The following BBX variants were observed in gnomAD, a reference collection of about 807,000 sequenced individuals.
The protein encoded by BBX is HMG box transcription factor BBX.
In BBX, 30 loss-of-function variants were observed where a neutral mutation model predicts 100.2. The ratio of observed to expected loss-of-function variants is 0.30; its 90% CI spans 0.22 to 0.41. BBX has a LOEUF of 0.41. BBX is among the 10% of genes least tolerant of loss of function. The pLI, the probability that BBX is intolerant of heterozygous loss-of-function variation, is 1.00. For missense variants in BBX, 1,023 were observed against 1,129.8 expected (o/e 0.91, Z 1.35); for synonymous variants, 376 against 388.1 (o/e 0.97, Z 0.37).
intron 3 of BBX, among the ~76,000 whole-genome samples, chr3:107,653,547 A>G (rs190793598): frequency 5.3e-5 from 8 of 152,240 alleles, no homozygotes; most frequent in Non-Finnish European, 1.2e-4. Context: ...AGACAAGAAT[A>G]TTGTGTTTGT....
chr3:107,704,514 G>T (rs2061276712), intron 3 of BBX, among the ~76,000 whole-genome samples: 3 of 152,188 alleles, frequency 2.0e-5, no homozygotes, highest in African/African-American at 7.2e-5. Flanking sequence ...TGGAGGCTGG[G>T]AATTACAAGA....
chr3:107,690,195 TTA>T (rs1258736708), intron 3 of BBX, among the ~76,000 whole-genome samples: 9 of 152,202 alleles, frequency 5.9e-5, no homozygotes, highest in Non-Finnish European at 2.9e-5. Flanking sequence ...AACAATGACT[TTA>T]TTATTATATT....
intron 6 of BBX, among the ~76,000 whole-genome samples, chr3:107,731,022 C>A (rs1303166293): frequency 6.6e-6 from 1 of 152,062 alleles, no homozygotes; most frequent in Non-Finnish European, 1.5e-5. Context: ...TTGAATAACC[C>A]CAAATTACCA....
intron 2 of BBX, among the ~76,000 whole-genome samples, chr3:107,575,540 T>C (rs1220613598): frequency 2.0e-5 from 3 of 152,218 alleles, no homozygotes; most frequent in Non-Finnish European, 2.9e-5. Flanking sequence ...TGGGGATGGA[T>C]ATCTAAAAAG....
chr3:107,563,325 G>A (rs910132916), intron 2 of BBX, among the ~76,000 whole-genome samples: 1 of 152,184 alleles, frequency 6.6e-6, no homozygotes, highest in Admixed American at 6.5e-5. Flanking sequence ...ATCTCACAGA[G>A]CCAGACTGAA....
chr3:107,698,850 A>G (rs1341349126), intron 3 of BBX, among the ~76,000 whole-genome samples: 1 of 151,798 alleles, frequency 6.6e-6, no homozygotes, highest in African/African-American at 2.4e-5. Context: ...TAAAATCACC[A>G]GGTGTTTTAG....
At chr3:107,577,036 T>G (rs1344686468) in intron 2 of BBX, among the ~76,000 whole-genome samples, 4 of 152,106 alleles carry the variant, frequency 2.6e-5, no homozygotes, top group Admixed American at 2.6e-4. Context: ...AATTTTTGTA[T>G]TTTTAGTAGA....
At chr3:107,656,869 AC>A (rs1395363062) in intron 3 of BBX, among the ~76,000 whole-genome samples, 1 of 152,172 alleles carries the variant, frequency 6.6e-6, no homozygotes, top group Non-Finnish European at 1.5e-5. Context: ...AAGACCTTAA[AC>A]CCCACTTAAG....
At chr3:107,647,465 A>G (rs574862549) in intron 3 of BBX, among the ~76,000 whole-genome samples, 80 of 152,228 alleles carry the variant, frequency 5.3e-4, no homozygotes, top group Non-Finnish European at 1.0e-3. Flanking sequence ...TATTGACTAT[A>G]AGCAGAAATT....
intron 2 of BBX, among the ~76,000 whole-genome samples, chr3:107,582,375 T>G (rs2052350755): frequency 6.6e-6 from 1 of 151,964 alleles, no homozygotes; most frequent in Non-Finnish European, 1.5e-5. Context: ...AACTAATATT[T>G]TTTAATAACT....
At chr3:107,571,026 C>G (rs529080658) in intron 2 of BBX, among the ~76,000 whole-genome samples, 1 of 152,138 alleles carries the variant, frequency 6.6e-6, no homozygotes, top group African/African-American at 2.4e-5. Context: ...GTATTGGGGC[C>G]AAGCGGTGTT....
chr3:107,569,283 T>G (rs1186937367), intron 2 of BBX, among the ~76,000 whole-genome samples: 1 of 152,250 alleles, frequency 6.6e-6, no homozygotes, highest in Non-Finnish European at 1.5e-5. Flanking sequence ...TCACTAGTTC[T>G]CATATTGATA....
At position 107,589,529 on chromosome 3, in the gene BBX, T is replaced by C. The variant is rs576098491; in HGVS notation, c.-83-56307T>C. 7.2e-5 allele frequency among the ~76,000 whole-genome samples: 11 copies of C among 152,334 alleles called. No homozygotes were observed. In the South Asian group the frequency reaches 2.1e-3, roughly 29 times the overall value. ...ATACAGCAGAGAAATGACCACTGCT[T>C]TCAACTTAGCAGCACCGGTTTAAGT... On this transcript the variant is annotated intron_variant, in intron 2 of 17. Coordinates refer to ENST00000325805, the MANE Select transcript of BBX (RefSeq NM_001142568.3).
At chr3:107,652,231 A>C (rs932717720) in intron 3 of BBX, among the ~76,000 whole-genome samples, 1 of 152,054 alleles carries the variant, frequency 6.6e-6, no homozygotes, top group African/African-American at 2.4e-5. Context: ...GTGTGTACAT[A>C]TGTGTTTCTG....
intron 2 of BBX, among the ~76,000 whole-genome samples, chr3:107,527,240 C>T (rs2047845463): frequency 7.0e-6 from 1 of 142,098 alleles, no homozygotes; most frequent in African/African-American, 2.5e-5. Context: ...AAAGGAACAC[C>T]CCAGGTACTC....
Position 107,801,183 on chromosome 3 carries a change from C to T in BBX, c.2640C>T (p.Val880=), listed in dbSNP as rs149629200. Residue 880 remains valine (V), a synonymous_variant, in exon 17 of 18, where the codon GTC becomes GTT. Transcript: ENST00000325805. Reference sequence around the variant, plus strand: ...ACAAATGCTCACACAACACCGAGGTCGGGGAGACGCGGAGCAGTACTCCAG... The same window carrying T: ...ACAAATGCTCACACAACACCGAGGTTGGGGAGACGCGGAGCAGTACTCCAG... ...CNDKCSHNTE[V]GETRSSTPEM... 258 of 1,614,110 alleles carry T rather than the reference C, an allele frequency of 1.6e-4. 1 individual carries two copies. The African/African-American group carries it at 3.0e-3, about 19-fold the overall frequency.
At chr3:107,658,312 A>G (rs557891518) in intron 3 of BBX, among the ~76,000 whole-genome samples, 11 of 152,276 alleles carry the variant, frequency 7.2e-5, no homozygotes, top group Non-Finnish European at 1.5e-4. Flanking sequence ...ATCAAAGCTC[A>G]TCCAGGTATT....
At chr3:107,803,007 A>G (rs1011630230) in intron 17 of BBX, among the ~76,000 whole-genome samples, 6 of 152,158 alleles carry the variant, frequency 3.9e-5, no homozygotes, top group African/African-American at 1.4e-4. Context: ...ATTTGTCGAT[A>G]CTTCTGTCTA....
chr3:107,541,627 A>G (rs2048869950), intron 2 of BBX, among the ~76,000 whole-genome samples: 1 of 152,166 alleles, frequency 6.6e-6, no homozygotes. Flanking sequence ...TGGGATTTGT[A>G]AGTGAGATTT....
Sources: gnomAD v4.1 joint callset for allele counts (sites outside exome capture counted in the v4.1 genomes callset) on GRCh38, gnomAD v4.1.1 for gene constraint, MANE v1.5 for transcripts, NCBI Gene and HGNC (gene_info 2026-07-23, HGNC 2026-07-21) for gene names.